Variants in RPS6KA2 observed in about 807,000 individuals in gnomAD.
RPS6KA2 encodes ribosomal protein S6 kinase A2.
Under a neutral mutation model 91.8 loss-of-function variants are expected in RPS6KA2, and 42 were observed. That is an observed-to-expected ratio of 0.46 (90% CI 0.36 to 0.59). The LOEUF is 0.59. Among genes scored for constraint, RPS6KA2 ranks in the 20% least tolerant of loss-of-function variants. The probability of loss-of-function intolerance (pLI) is 0.00; values close to 1 mark genes in which losing one functional copy is unlikely to be tolerated. For synonymous variants in RPS6KA2, 414 were observed against 393.6 expected, an observed-to-expected ratio of 1.05 and a Z score of -0.61; for missense variants, 798 against 978.5, an observed-to-expected ratio of 0.82 and a Z score of 2.46.
At position 166,701,071 on chromosome 6, in the gene RPS6KA2, C is replaced by T. The variant is rs575384215; in HGVS notation, c.123+157129G>A. On this transcript the variant is annotated intron_variant, in intron 2 of 21. Transcript: ENST00000503859. ...CTGTCTTTGGTTTGGCATCTGCCTC[C>T]GTGGTGGGCTGTTTCCTGAGCCTTA... 1.2e-5 allele frequency: 18 copies of T among 1,541,176 alleles called. No individual in the cohort carries two copies. In the South Asian group the frequency reaches 1.2e-4, roughly 11 times the overall value.
intron 1 of RPS6KA2, among the ~76,000 whole-genome samples, chr6:166,604,539 C>T (rs1251663025): frequency 6.6e-6 from 1 of 152,216 alleles, no homozygotes; most frequent in African/African-American, 2.4e-5. Flanking sequence ...GCGGGGCCAT[C>T]CCCAGCTGGG....
intron 2 of RPS6KA2, among the ~76,000 whole-genome samples, chr6:166,754,759 T>C (rs1210938397): frequency 6.6e-6 from 1 of 152,288 alleles, no homozygotes; most frequent in South Asian, 2.1e-4. Flanking sequence ...GCCTGGTTAG[T>C]GTAGACAGGT....
At chr6:166,682,833 A>G (rs1041810307) in intron 2 of RPS6KA2, among the ~76,000 whole-genome samples, 2 of 152,178 alleles carry the variant, frequency 1.3e-5, no homozygotes, top group South Asian at 2.1e-4. Context: ...CAACCCATGC[A>G]TTTGACCACA....
chr6:166,807,444 C>A (rs535490376), intron 2 of RPS6KA2, among the ~76,000 whole-genome samples: 1 of 152,130 alleles, frequency 6.6e-6, no homozygotes. Context: ...CCACCTCTGG[C>A]GTGGAGGGTT....
chr6:166,450,215 G>A (rs1287098690), intron 13 of RPS6KA2, among the ~76,000 whole-genome samples: 1 of 141,402 alleles, frequency 7.1e-6, no homozygotes, highest in Admixed American at 7.1e-5. Context: ...GCTACCCTAG[G>A]GACCACCACA....
chr6:166,467,261 C>G (rs1434898504), intron 11 of RPS6KA2, among the ~76,000 whole-genome samples: 1 of 151,370 alleles, frequency 6.6e-6, no homozygotes, highest in Admixed American at 6.6e-5. Context: ...TTCACTCACT[C>G]AGTAGGGATT....
intron 2 of RPS6KA2, among the ~76,000 whole-genome samples, chr6:166,845,957 C>A (rs1305486348): frequency 1.3e-5 from 2 of 151,864 alleles, no homozygotes; most frequent in Non-Finnish European, 2.9e-5. Context: ...ATCAATAGAT[C>A]ATTAGCGAGA....
At chr6:166,415,399 T>C (rs541845566) in intron 19 of RPS6KA2, among the ~76,000 whole-genome samples, 50 of 152,312 alleles carry the variant, frequency 3.3e-4, no homozygotes, top group African/African-American at 1.1e-3. Context: ...CATACTAATT[T>C]GTAGCTTTGC....
intron 10 of RPS6KA2, among the ~76,000 whole-genome samples, chr6:166,486,195 G>A (rs535756765): frequency 4.6e-5 from 7 of 152,290 alleles, no homozygotes; most frequent in Non-Finnish European, 7.4e-5. Flanking sequence ...TAACAACAAC[G>A]TGGCAAAAAT....
In RPS6KA2 at chr6:166,490,787, C is replaced by G; in HGVS notation, c.748-46G>C. 1.4e-6 allele frequency: 2 copies of G among 1,472,732 alleles called. No individual in the cohort carries two copies. Among genetic ancestry groups the G allele is most frequent in the Non-Finnish European group, 1.9e-6 (2 of 1,059,572 alleles). 91.2% of individuals were successfully genotyped at this position (1,472,732 alleles called of 1,614,324 possible). A position where few individuals can be genotyped will look rare whatever the true frequency, so the allele number is the denominator to read the frequency against. On this transcript the variant is annotated intron_variant, in intron 8 of 20. Coordinates refer to ENST00000265678, the MANE Select transcript of RPS6KA2 (RefSeq NM_021135.6). The surrounding 1 kb of genome is among the most constrained non-coding windows in gnomAD (Gnocchi z 4.2). ...CAGTGAGTTCATTCATCCAGATGGA[C>G]CCGGCTTCACGGCAGAGTACCCCAG...
At chr6:166,528,173 A>T (rs984979802) in intron 3 of RPS6KA2, among the ~76,000 whole-genome samples, 1 of 152,218 alleles carries the variant, frequency 6.6e-6, no homozygotes, top group East Asian at 1.9e-4. Flanking sequence ...GCACTAACAA[A>T]TGTCTAATTT....
At chr6:166,854,700 T>G (rs377687398) in intron 2 of RPS6KA2, among the ~76,000 whole-genome samples, 1 of 152,182 alleles carries the variant, frequency 6.6e-6, no homozygotes, top group Non-Finnish European at 1.5e-5. Flanking sequence ...TAACAACAGA[T>G]GTTGGCAAGG....
intron 2 of RPS6KA2, among the ~76,000 whole-genome samples, chr6:166,768,923 G>T (rs1223339226): frequency 6.6e-6 from 1 of 152,172 alleles, no homozygotes; most frequent in Non-Finnish European, 1.5e-5. Context: ...TGGCTCCGGG[G>T]GTTCTCCCAT....
chr6:166,752,902 T>C (rs560896294), intron 2 of RPS6KA2, among the ~76,000 whole-genome samples: 2 of 152,370 alleles, frequency 1.3e-5, no homozygotes, highest in East Asian at 3.9e-4. Flanking sequence ...TATACTCTGC[T>C]GAGTAGGTAA....
intron 2 of RPS6KA2, among the ~76,000 whole-genome samples, chr6:166,765,955 C>T (rs1247795893): frequency 3.3e-5 from 5 of 152,226 alleles, no homozygotes; most frequent in Non-Finnish European, 7.3e-5. Flanking sequence ...AGGAACAAAA[C>T]ACTTCCCGCT....
intron 2 of RPS6KA2, among the ~76,000 whole-genome samples, chr6:166,661,942 C>G (rs1788174912): frequency 6.6e-6 from 1 of 152,172 alleles, no homozygotes; most frequent in Admixed American, 6.5e-5. Flanking sequence ...ACATATCTCT[C>G]CCTTTATAAC....
intron 2 of RPS6KA2, among the ~76,000 whole-genome samples, chr6:166,824,741 ATGTC>A (rs1779996125): frequency 1.2e-5 from 1 of 83,154 alleles, no homozygotes; most frequent in Admixed American, 1.2e-4. Context: ...GTCTGTGTGT[ATGTC>A]TGTATGTCTG....
chr6:166,504,099 G>GGA (rs1363117673), intron 6 of RPS6KA2, among the ~76,000 whole-genome samples: 1 of 152,228 alleles, frequency 6.6e-6, no homozygotes, highest in African/African-American at 2.4e-5. Context: ...TGAGAGAGGA[G>GGA]GAGAAACTGC....
intron 2 of RPS6KA2, among the ~76,000 whole-genome samples, chr6:166,804,647 A>G (rs1779446509): frequency 6.6e-6 from 1 of 152,154 alleles, no homozygotes; most frequent in South Asian, 2.1e-4. Flanking sequence ...GTTAGGTATC[A>G]TATATTTATG....
Sources: allele counts gnomAD v4.1 joint callset (sites outside exome capture counted in the v4.1 genomes callset), GRCh38; gene constraint gnomAD v4.1.1; non-coding constraint Gnocchi (gnomAD v3.1); transcripts MANE v1.5; gene names NCBI Gene and HGNC (gene_info 2026-07-23, HGNC 2026-07-21).